The following BTBD10 variants were observed in gnomAD, a reference collection of about 807,000 sequenced individuals.
The protein encoded by BTBD10 is BTB domain containing 10, also known as BTB/POZ domain-containing protein 10.
A neutral mutation model predicts 53.2 loss-of-function variants in BTBD10; 21 were observed. The observed-to-expected ratio is 0.39, with a 90% CI of 0.28 to 0.57. The LOEUF is 0.57. Among genes scored for constraint, BTBD10 ranks in the 20% least tolerant of loss-of-function variants. The pLI, the probability that BTBD10 is intolerant of heterozygous loss-of-function variation, is 0.53. For missense variants in BTBD10, 360 were observed against 594.7 expected (o/e 0.61, Z 4.10); for synonymous variants, 149 against 192.7 (o/e 0.77, Z 1.88).
intron 2 of BTBD10, among the ~76,000 whole-genome samples, chr11:13,442,338 G>C (rs1950670376): frequency 2.0e-5 from 3 of 152,068 alleles, no homozygotes; most frequent in Admixed American, 2.0e-4. Flanking sequence ...GTTCTATTTT[G>C]CATGTATTTA....
chr11:13,428,223 T>A (rs1331696088), intron 2 of BTBD10, among the ~76,000 whole-genome samples: 4 of 152,104 alleles, frequency 2.6e-5, no homozygotes. Context: ...TGGACAAATT[T>A]AAACCTACAA....
intron 2 of BTBD10, among the ~76,000 whole-genome samples, chr11:13,427,931 G>C (rs1018577611): frequency 6.6e-6 from 1 of 151,966 alleles, no homozygotes; most frequent in African/African-American, 2.4e-5. Flanking sequence ...CTAAAAGAAA[G>C]TGGAAAAAAC....
At chr11:13,443,620 C>T (rs912217823) in intron 2 of BTBD10, among the ~76,000 whole-genome samples, 8 of 150,960 alleles carry the variant, frequency 5.3e-5, no homozygotes, top group Non-Finnish European at 1.0e-4. Flanking sequence ...TTTGAGACAG[C>T]GTCTCACTCT....
chr11:13,413,708 T>C, intron 5 of BTBD10, 58 bp from the exon 6 acceptor site: 1 of 1,489,040 alleles, frequency 6.7e-7, no homozygotes, highest in East Asian at 2.4e-5. Flanking sequence ...TAGCCAAAAC[T>C]TATTATTAAG....
At chr11:13,409,110 C>T (rs182771183) in intron 6 of BTBD10, among the ~76,000 whole-genome samples, 10 of 152,228 alleles carry the variant, frequency 6.6e-5, no homozygotes, top group Non-Finnish European at 8.8e-5. Flanking sequence ...GTTACCTCTC[C>T]GACCACATTT....
rs1251017108 is a variant in BTBD10, at chr11:13,388,353, G to A, written c.*478C>T. 1 of 156,186 alleles carries A rather than the reference G, an allele frequency of 6.4e-6. No homozygotes were observed. The highest frequency in any genetic ancestry group is 2.4e-5 in the African/African-American group (1 of 41,460). The allele number at this position is 156,186 out of a possible 1,614,324, so 9.7% of individuals were successfully genotyped here. ...TCAAGGGCAGCAAACTATACAAATT[G>A]TACTGGAGGAATACTTTGACAGAAG... On this transcript the variant is annotated 3_prime_UTR_variant, in exon 9 of 9. Transcript: ENST00000278174.
chr11:13,403,956 A>G (rs1293619650), intron 7 of BTBD10, among the ~76,000 whole-genome samples: 5 of 152,198 alleles, frequency 3.3e-5, no homozygotes, highest in Admixed American at 3.3e-4. Flanking sequence ...AGGGAGTTAG[A>G]CTGATGGACA....
intron 8 of BTBD10, among the ~76,000 whole-genome samples, chr11:13,398,466 A>G (rs1318806007): frequency 2.0e-5 from 3 of 152,214 alleles, no homozygotes; most frequent in Non-Finnish European, 4.4e-5. Context: ...TCCTGAATAC[A>G]GCACACTGAT....
At chr11:13,409,551 C>G (rs1239942083) in intron 6 of BTBD10, among the ~76,000 whole-genome samples, 1 of 152,136 alleles carries the variant, frequency 6.6e-6, no homozygotes, top group Non-Finnish European at 1.5e-5. Context: ...TCTGCTCTAG[C>G]AACATTTGCC....
chr11:13,429,843 C>A (rs1950413930), intron 2 of BTBD10, among the ~76,000 whole-genome samples: 1 of 152,188 alleles, frequency 6.6e-6, no homozygotes, highest in African/African-American at 2.4e-5. Flanking sequence ...GTGATTCAAG[C>A]CTGTAATCCC....
chr11:13,442,689 T>C (rs1301039164), intron 2 of BTBD10, among the ~76,000 whole-genome samples: 1 of 152,210 alleles, frequency 6.6e-6, no homozygotes, highest in Non-Finnish European at 1.5e-5. Context: ...AAGTGCCTTA[T>C]TGTCCTCTAA....
At chr11:13,454,784 T>C (rs1950930164) in intron 1 of BTBD10, among the ~76,000 whole-genome samples, 1 of 152,124 alleles carries the variant, frequency 6.6e-6, no homozygotes, top group South Asian at 2.1e-4. Flanking sequence ...AATTTATTTA[T>C]TGAGTACTTA....
At chr11:13,431,225 CTTG>C (rs1257192258) in intron 2 of BTBD10, among the ~76,000 whole-genome samples, 109 of 152,230 alleles carry the variant, frequency 7.2e-4, no homozygotes, top group African/African-American at 2.4e-3. Context: ...TTTGCATCCT[CTTG>C]TTGTAATATG....
chr11:13,419,051 G>T (rs1197474544), intron 4 of BTBD10, among the ~76,000 whole-genome samples: 2 of 146,094 alleles, frequency 1.4e-5, no homozygotes, highest in Non-Finnish European at 3.0e-5. Context: ...TACCTATTGG[G>T]TTTTTTTTCC....
chr11:13,455,470 T>C (rs935129773), intron 1 of BTBD10, among the ~76,000 whole-genome samples: 2 of 152,242 alleles, frequency 1.3e-5, no homozygotes, highest in African/African-American at 4.8e-5. Flanking sequence ...AATCTTTCCA[T>C]ATTTTAAGCA....
At chr11:13,393,895 C>T (rs1438059978) in intron 8 of BTBD10, among the ~76,000 whole-genome samples, 1 of 152,140 alleles carries the variant, frequency 6.6e-6, no homozygotes, top group Non-Finnish European at 1.5e-5. Flanking sequence ...AGTATTTAAC[C>T]TTTTAAGCTT....
intron 8 of BTBD10, among the ~76,000 whole-genome samples, chr11:13,401,221 A>T (rs1949710798): frequency 6.6e-6 from 1 of 151,864 alleles, no homozygotes; most frequent in Non-Finnish European, 1.5e-5. Context: ...AGTACTTGTT[A>T]TAGGTCCTTA....
Position 13,395,820 on chromosome 11 carries a change from G to C in BTBD10, c.1118-6679C>G, listed in dbSNP as rs1017699259. On this transcript the variant is annotated intron_variant, in intron 8 of 8. Transcript: ENST00000278174. ...AATCCTTTCGCCATTGCTTGTTTTT[G>C]TCAGGTTTGTCAAAGATCAGATAGT... Among the ~76,000 whole-genome samples the C allele has an allele frequency of 9.9e-5, 15 of 152,248 alleles. No individual in the cohort carries two copies. The South Asian group carries it at 1.0e-3, about 11-fold the overall frequency.
intron 8 of BTBD10, among the ~76,000 whole-genome samples, chr11:13,397,164 C>G (rs1272256807): frequency 6.6e-6 from 1 of 152,234 alleles, no homozygotes; most frequent in Admixed American, 6.5e-5. Context: ...GTGAATCCAT[C>G]TGGTCATGGA....
Sources: allele counts gnomAD v4.1 joint callset (sites outside exome capture counted in the v4.1 genomes callset), GRCh38; gene constraint gnomAD v4.1.1; transcripts MANE v1.5; gene names NCBI Gene and HGNC (gene_info 2026-07-23, HGNC 2026-07-21).